The following PKD2L2 variants were observed in gnomAD, a reference collection of about 807,000 sequenced individuals.
PKD2L2 encodes polycystin-2-like protein 2.
A neutral mutation model predicts 83.9 loss-of-function variants in PKD2L2; 67 were observed. That is an observed-to-expected ratio of 0.80 (90% CI 0.66 to 0.98). The LOEUF is 0.98. Ranked by LOEUF, PKD2L2 falls within the 50% of genes least tolerant of loss-of-function variation. The pLI is 0.00. For missense variants in PKD2L2, 632 were observed against 717.2 expected (o/e 0.88, Z 1.36); for synonymous variants, 223 against 237.8 (o/e 0.94, Z 0.57).
At position 137,937,724 on chromosome 5, in the gene PKD2L2, C is replaced by CTAA. The variant is rs541795916; in HGVS notation, c.*17+1298_*17+1300dup. On this transcript the variant is annotated intron_variant, in intron 14 of 14. Transcript: ENST00000508883. ...GGATAATTCATTGTAACAAGAAATG[C>CTAA]TAACTGTTCTCTCTGCGGCTTCTCC... Among the ~76,000 whole-genome samples, 28 of 152,254 alleles carry CTAA rather than the reference C, an allele frequency of 1.8e-4. No individual in the cohort carries two copies. The East Asian group carries it at 5.4e-3, about 29-fold the overall frequency.
At chr5:137,940,999 G>A (rs780519113) in intron 14 of PKD2L2, among the ~76,000 whole-genome samples, 14 of 152,078 alleles carry the variant, frequency 9.2e-5, no homozygotes, top group African/African-American at 2.7e-4. Context: ...TCCGCCTCCC[G>A]GATTCACGCC....
In PKD2L2 at chr5:137,942,684, A is replaced by G. The variant is rs532056839; in HGVS notation, c.*318A>G. On this transcript the variant is annotated 3_prime_UTR_variant, in exon 15 of 15. Transcript: ENST00000508883. Reference sequence around the variant, plus strand: ...GGCTAGATTTTTTTTTAATTTTTGAAATACAGTAATGTTTTATTTAAAAAT... The same window carrying G: ...GGCTAGATTTTTTTTTAATTTTTGAGATACAGTAATGTTTTATTTAAAAAT... The G allele has an allele frequency of 2.3e-5, 13 of 559,902 alleles. No individual in the cohort carries two copies. The South Asian group carries it at 3.7e-4, about 16-fold the overall frequency. 34.7% of individuals were successfully genotyped at this position (559,902 alleles called of 1,614,324 possible).
intron 12 of PKD2L2, among the ~76,000 whole-genome samples, chr5:137,933,273 T>C (rs1760038264): frequency 6.6e-6 from 1 of 152,196 alleles, no homozygotes; most frequent in Non-Finnish European, 1.5e-5. Context: ...TCCAAGCTTC[T>C]ATCCAGTAAG....
chr5:137,929,615 AG>A (rs1468638748), intron 12 of PKD2L2, among the ~76,000 whole-genome samples: 1 of 150,126 alleles, frequency 6.7e-6, no homozygotes, highest in Non-Finnish European at 1.5e-5. Context: ...AACTGCAACC[AG>A]ATATATCTAA....
In PKD2L2 at chr5:137,907,820, A is replaced by G; in HGVS notation, c.1054A>G (p.Thr352Ala). The change falls in exon 7 of 15, where the codon ACT (threonine) becomes GCT (alanine). Residue 352 changes from threonine to alanine, a missense_variant. Physicochemically the swap from Thr to Ala is moderately conservative, Grantham distance 58. Coordinates refer to ENST00000508883, the MANE Select transcript of PKD2L2 (RefSeq NM_001300921.2). ...FLLLGQLLKS[T>A]EKYSDFYFLA... Reference sequence around the variant, plus strand: ...CTTACTTGGACAGCTGTTGAAAAGTACTGAAAAATATTCAGATTTCTATTT... The same window carrying G: ...CTTACTTGGACAGCTGTTGAAAAGTGCTGAAAAATATTCAGATTTCTATTT... 1 of 1,574,392 alleles carries G rather than the reference A, an allele frequency of 6.4e-7. No homozygotes were observed. The highest frequency in any genetic ancestry group is 8.7e-7 in the Non-Finnish European group (1 of 1,147,074).
rs1214079669 is a variant in PKD2L2, at chr5:137,889,505, C to T, written c.14C>T (p.Ser5Leu). The change falls in exon 1 of 15, where the codon TCA becomes TTA. Residue 5 changes from serine (S) to leucine (L), a missense_variant. Ser to Leu is a moderately radical substitution (Grantham distance 145). This residue lies in a region of PKD2L2 where 229 missense variants were observed against 281.5 expected (regional missense o/e 0.81). Transcript: ENST00000508883. Reference protein sequence around the residue: MAEASRWHRGGASKH... With the variant: MAEALRWHRGGASKH... ...TGCAGGTCCGCCATGGCTGAGGCGT[C>T]ACGGTGGCACCGAGGCGGTGAGGGG... 4.5e-6 allele frequency: 7 copies of T among 1,558,154 alleles called. No individual in the cohort carries two copies. Among genetic ancestry groups the T allele is most frequent in the South Asian group, 2.4e-5 (2 of 84,540 alleles).
At chr5:137,928,114 T>C (rs1214208429) in intron 12 of PKD2L2, among the ~76,000 whole-genome samples, 1 of 152,144 alleles carries the variant, frequency 6.6e-6, no homozygotes, top group Admixed American at 6.5e-5. Flanking sequence ...TACAATATAT[T>C]CAAGGAAAGA....
chr5:137,933,520 T>A (rs992864133), intron 12 of PKD2L2, among the ~76,000 whole-genome samples: 1 of 152,180 alleles, frequency 6.6e-6, no homozygotes, highest in African/African-American at 2.4e-5. Context: ...GAAATAGGAA[T>A]AGGGCTACAG....
chr5:137,923,308 C>A, intron 9 of PKD2L2, 112 bp from the exon 10 acceptor site: 1 of 598,430 alleles, frequency 1.7e-6, no homozygotes. Context: ...AGCCACCGCA[C>A]CTGGCCTACT....
intron 9 of PKD2L2, among the ~76,000 whole-genome samples, chr5:137,922,259 C>T (rs184202739): frequency 2.3e-3 from 344 of 152,228 alleles, no homozygotes; most frequent in African/African-American, 7.8e-3. Flanking sequence ...TTGTCAGGCA[C>T]GGAAGTTATC....
At chr5:137,930,226 G>C (rs1759753044) in intron 12 of PKD2L2, among the ~76,000 whole-genome samples, 1 of 151,676 alleles carries the variant, frequency 6.6e-6, no homozygotes, top group African/African-American at 2.4e-5. Flanking sequence ...TCACCTATTG[G>C]GCCACAAGGA....
intron 8 of PKD2L2, 127 bp downstream of exon 8, chr5:137,909,073 C>A: frequency 3.4e-6 from 2 of 592,886 alleles, no homozygotes; most frequent in South Asian, 2.4e-5. Context: ...TTGATATTTT[C>A]TTTTTCTTTT....
intron 12 of PKD2L2, among the ~76,000 whole-genome samples, chr5:137,931,081 C>G (rs1759836550): frequency 6.6e-6 from 1 of 151,966 alleles, no homozygotes; most frequent in Non-Finnish European, 1.5e-5. Context: ...TTGTATAACT[C>G]TATGAAAATA....
intron 1 of PKD2L2, chr5:137,890,055 CG>C (rs1755812994): frequency 6.3e-6 from 1 of 159,770 alleles, no homozygotes; most frequent in Admixed American, 6.5e-5. Context: ...GAGGCCGAGG[CG>C]GGCGGATCAC....
chr5:137,923,646 C>T (rs34615501), intron 10 of PKD2L2, 125 bp downstream of exon 10: 2 of 647,054 alleles, frequency 3.1e-6, no homozygotes, highest in Non-Finnish European at 5.6e-6. Context: ...CATCCCATCC[C>T]CAGGGTTTGT....
chr5:137,894,162 C>T (rs1432668425), intron 3 of PKD2L2, among the ~76,000 whole-genome samples, 191 bp from the exon 4 acceptor site: 1 of 152,172 alleles, frequency 6.6e-6, no homozygotes, highest in Non-Finnish European at 1.5e-5. Context: ...AGAGCAGTGC[C>T]TAGTACACAG....
intron 12 of PKD2L2, among the ~76,000 whole-genome samples, chr5:137,935,502 GA>G (rs1047377294): frequency 3.5e-4 from 54 of 152,310 alleles, no homozygotes; most frequent in Admixed American, 1.7e-3. Context: ...ACAAGAAAGA[GA>G]AAATAATTTA....
At chr5:137,937,312 A>G (rs1045077202) in intron 14 of PKD2L2, among the ~76,000 whole-genome samples, 1 of 152,194 alleles carries the variant, frequency 6.6e-6, no homozygotes, top group African/African-American at 2.4e-5. Context: ...TACCTAGACC[A>G]TTTCTAAGGT....
chr5:137,925,230 G>A, intron 11 of PKD2L2, 126 bp downstream of exon 11: 1 of 647,468 alleles, frequency 1.5e-6, no homozygotes, highest in South Asian at 1.9e-5. Flanking sequence ...GTTTCACCAT[G>A]TTGGTCAGAC....
Sources: allele counts gnomAD v4.1 joint callset (sites outside exome capture counted in the v4.1 genomes callset), GRCh38; gene constraint gnomAD v4.1.1; regional missense constraint gnomAD v4.1.1; transcripts MANE v1.5; gene names NCBI Gene and HGNC (gene_info 2026-07-23, HGNC 2026-07-21).